The following MAP3K4 variants were observed in gnomAD, a reference collection of about 807,000 sequenced individuals.
MAP3K4 encodes mitogen-activated protein kinase kinase kinase 4.
Under a neutral mutation model 185.6 loss-of-function variants are expected in MAP3K4, and 67 were observed. The observed-to-expected ratio is 0.36, with a 90% CI of 0.30 to 0.44. MAP3K4 has a LOEUF of 0.44. MAP3K4 is among the 20% of genes least tolerant of loss of function. MAP3K4 has a pLI of 1.00. For missense variants in MAP3K4, 1,551 were observed against 1,995.1 expected (o/e 0.78, Z 4.24); for synonymous variants, 702 against 710.4 (o/e 0.99, Z 0.19).
intron 19 of MAP3K4, among the ~76,000 whole-genome samples, chr6:161,105,912 T>G (rs1269896023): frequency 6.6e-6 from 1 of 151,510 alleles, no homozygotes; most frequent in Non-Finnish European, 1.5e-5. Context: ...CTTGACTCAC[T>G]GCAACCTCTA....
Position 161,076,249 on chromosome 6 carries a change from C to A in MAP3K4, c.2097+2637C>A, listed in dbSNP as rs1432143911. Among the ~76,000 whole-genome samples, 3 of 152,218 alleles carry A rather than the reference C, an allele frequency of 2.0e-5. No individual in the cohort carries two copies. The highest frequency in any genetic ancestry group is 7.2e-5 in the African/African-American group (3 of 41,460). On this transcript the variant is annotated intron_variant, in intron 5 of 26. Transcript: ENST00000392142. This position sits in a 1 kb window ranked among gnomAD's most constrained non-coding sequence, Gnocchi z 4.2. The stretch of plus-strand genomic sequence containing the variant: ...GTGACAGCCATGACCGAAGCTGAGC[C>A]TGTCTCTCCAGGGATTCTGTTGTTG...
rs143492261 is a variant in MAP3K4, at chr6:161,017,326, C to G, written c.153-16933C>G. Among the ~76,000 whole-genome samples the G allele has an allele frequency of 7.3e-3, 1,114 of 152,200 alleles. 11 individuals are homozygous for G. Among genetic ancestry groups the G allele is most frequent in the African/African-American group, 0.026 (1,061 of 41,530 alleles). On this transcript the variant is annotated intron_variant, in intron 1 of 26. Coordinates refer to ENST00000392142, the MANE Select transcript of MAP3K4 (RefSeq NM_005922.4). This position sits in a 1 kb window ranked among gnomAD's most constrained non-coding sequence, Gnocchi z 5.1. ...AAACAATTTGGTGGCATACTTGTTT[C>G]TGTTAATGATATTTCCCCCTCAGTA...
At chr6:161,001,304 A>G (rs1392610923) in intron 1 of MAP3K4, among the ~76,000 whole-genome samples, 1 of 151,888 alleles carries the variant, frequency 6.6e-6, no homozygotes, top group African/African-American at 2.4e-5. Flanking sequence ...ATGTTATCAA[A>G]TAATTCAAAC....
At chr6:161,005,847 G>A (rs888619527) in intron 1 of MAP3K4, among the ~76,000 whole-genome samples, 13 of 152,090 alleles carry the variant, frequency 8.5e-5, no homozygotes, top group African/African-American at 3.1e-4. Flanking sequence ...GAGTGCAGTG[G>A]TGCAATCTTG....
chr6:161,106,788 G>GA lies in MAP3K4; in HGVS notation c.4048+84dup. On this transcript the variant is annotated intron_variant, in intron 20 of 26. Coordinates refer to ENST00000392142, the MANE Select transcript of MAP3K4 (RefSeq NM_005922.4). This position sits in a 1 kb window ranked among gnomAD's most constrained non-coding sequence, Gnocchi z 4.9. ...ATACTTCTTTAGGTTGAATCCTATA[G>GA]AGTTGGCCCTTTTTTCTTGTAGACA... The GA allele has an allele frequency of 8.7e-7, 1 of 1,150,720 alleles. No homozygotes were observed. The highest frequency in any genetic ancestry group is 2.2e-5 in the South Asian group (1 of 46,358). The allele number at this position is 1,150,720 out of a possible 1,614,324, so 71.3% of individuals were successfully genotyped here. A position where few individuals can be genotyped will look rare whatever the true frequency, so the allele number is the denominator to read the frequency against.
intron 2 of MAP3K4, among the ~76,000 whole-genome samples, chr6:161,039,857 A>G (rs1176584263): frequency 1.3e-5 from 2 of 152,232 alleles, no homozygotes; most frequent in Admixed American, 6.5e-5. Flanking sequence ...GTGTAAGGAC[A>G]TTTAAAGTAA....
intron 1 of MAP3K4, among the ~76,000 whole-genome samples, chr6:160,999,448 T>C (rs1781167261): frequency 6.6e-6 from 1 of 152,244 alleles, no homozygotes; most frequent in Non-Finnish European, 1.5e-5. Flanking sequence ...ATTTAGTTCT[T>C]ACTCAGATAA....
chr6:161,069,425 G>A (rs758893247), intron 3 of MAP3K4, among the ~76,000 whole-genome samples: 1 of 152,154 alleles, frequency 6.6e-6, no homozygotes, highest in Non-Finnish European at 1.5e-5. Flanking sequence ...AGGCAGCATG[G>A]GCAGCGAGGC....
chr6:161,047,797 G>A (rs1783804676), intron 2 of MAP3K4, among the ~76,000 whole-genome samples: 1 of 152,212 alleles, frequency 6.6e-6, no homozygotes, highest in Non-Finnish European at 1.5e-5. Context: ...AGTGTTAAAA[G>A]TGCCATACAG....
intron 2 of MAP3K4, among the ~76,000 whole-genome samples, chr6:161,047,953 A>T (rs76140654): frequency 4.6e-5 from 7 of 152,240 alleles, no homozygotes; most frequent in African/African-American, 1.2e-4. Flanking sequence ...AATTATACCA[A>T]ATTAGTCTAT....
intron 2 of MAP3K4, among the ~76,000 whole-genome samples, chr6:161,041,169 A>G (rs541058518): frequency 1.3e-5 from 2 of 152,308 alleles, no homozygotes; most frequent in South Asian, 4.1e-4. Context: ...TAGCAGGAGG[A>G]CCAGCCCTAC....
chr6:161,034,376 A>G lies in MAP3K4; in HGVS notation c.270A>G (p.Arg90=), dbSNP rs1455266789. ...GTACCTCTCCCCCCAGCACACCTCG[A>G]CAGATGAAACGCATGTCAACCAAAC... is the stretch of plus-strand genomic sequence containing the variant. ...LYGTSPPSTP[R]QMKRMSTKHQ... The change falls in exon 2 of 27, where the codon CGA becomes CGG. Residue 90 remains arginine (R), a synonymous_variant. Transcript: ENST00000392142. This position sits in a 1 kb window ranked among gnomAD's most constrained non-coding sequence, Gnocchi z 4.4. The G allele has an allele frequency of 6.2e-7, 1 of 1,613,850 alleles. No homozygotes were observed. Among genetic ancestry groups the G allele is most frequent in the Non-Finnish European group, 8.5e-7 (1 of 1,179,918 alleles).
rs1554284815 is a variant in MAP3K4, at chr6:161,093,074, G to T, written c.3348+18G>T. 2 of 1,553,712 alleles carry T rather than the reference G, an allele frequency of 1.3e-6. No homozygotes were observed. The highest frequency in any genetic ancestry group is 1.7e-5 in the Admixed American group (1 of 57,948). On this transcript the variant is annotated intron_variant, in intron 14 of 26. Transcript: ENST00000392142. The surrounding 1 kb of genome is among the most constrained non-coding windows in gnomAD (Gnocchi z 5.2). ...ACTTCTTGGTATGGATTATTCTAAA[G>T]TTTTTTTCATTATAAAATAAGCCAG...
rs1051561965 is a variant in MAP3K4 at position 160,996,843 on chromosome 6, AAG to A, written c.152+4761_152+4762del. 2.0e-5 allele frequency among the ~76,000 whole-genome samples: 3 copies of A among 152,184 alleles called. No individual in the cohort carries two copies. The highest frequency in any genetic ancestry group is 7.2e-5 in the African/African-American group (3 of 41,444). The stretch of plus-strand genomic sequence containing the variant: ...AAGTATAATTAAGAGATTGATTAGT[AAG>A]CATGATATTAGCAAGGGAAATGAGT... On this transcript the variant is annotated intron_variant, in intron 1 of 26. Coordinates refer to ENST00000392142, the MANE Select transcript of MAP3K4 (RefSeq NM_005922.4). This position sits in a 1 kb window ranked among gnomAD's most constrained non-coding sequence, Gnocchi z 4.5.
chr6:161,011,065 A>G (rs184252403), intron 1 of MAP3K4, among the ~76,000 whole-genome samples: 9 of 152,316 alleles, frequency 5.9e-5, no homozygotes, highest in African/African-American at 2.2e-4. Context: ...AACAACAGAA[A>G]GAAGGGTGGG....
intron 17 of MAP3K4, among the ~76,000 whole-genome samples, chr6:161,099,318 T>C (rs572115594): frequency 6.6e-6 from 1 of 152,356 alleles, no homozygotes; most frequent in South Asian, 2.1e-4. Flanking sequence ...TAAAACAGAC[T>C]AAAATGTTTT....
At chr6:161,090,043 CA>C (rs1405092049) in intron 11 of MAP3K4, among the ~76,000 whole-genome samples, 3 of 152,164 alleles carry the variant, frequency 2.0e-5, no homozygotes, top group African/African-American at 7.2e-5. Flanking sequence ...CACACTTTTC[CA>C]GGCCATCAGT....
At chr6:161,085,368 C>T (rs967732223) in intron 7 of MAP3K4, among the ~76,000 whole-genome samples, 3 of 152,042 alleles carry the variant, frequency 2.0e-5, no homozygotes, top group African/African-American at 7.2e-5. Flanking sequence ...TATGGTTTTT[C>T]TCTGTTGAAT....
Position 161,112,732 on chromosome 6 carries a change from C to T in MAP3K4, c.4584C>T (p.Ile1528=). 1 of 1,609,190 alleles carries T rather than the reference C, an allele frequency of 6.2e-7. No homozygotes were observed. Among genetic ancestry groups the T allele is most frequent in the Non-Finnish European group, 8.5e-7 (1 of 1,178,276 alleles). Residue 1528 remains isoleucine, a synonymous_variant, in exon 25 of 27, where the codon ATC becomes ATT. Transcript: ENST00000392142. The surrounding 1 kb of genome is among the most constrained non-coding windows in gnomAD (Gnocchi z 5.1). ...AGGGCCATGGGCGTGCGGCCGACAT[C>T]TGGAGTCTGGGGTGTGTTGTCATAG... is the stretch of plus-strand genomic sequence containing the variant. ...KGEGHGRAAD[I]WSLGCVVIEM... is the part of the protein sequence containing the mutation.
Sources: gnomAD v4.1 joint callset for allele counts (sites outside exome capture counted in the v4.1 genomes callset) on GRCh38, gnomAD v4.1.1 for gene constraint, Gnocchi (gnomAD v3.1) non-coding constraint, MANE v1.5 for transcripts, NCBI Gene and HGNC (gene_info 2026-07-23, HGNC 2026-07-21) for gene names.